Variants in CNOT1 observed in about 807,000 individuals in gnomAD.
CNOT1 encodes CCR4-associated factor 1.
In CNOT1, 15 loss-of-function variants were observed where a neutral mutation model predicts 273.8. The observed-to-expected ratio is 0.05, with a 90% CI of 0.04 to 0.08. CNOT1 has a LOEUF of 0.08. CNOT1 is among the 10% of genes least tolerant of loss of function. The pLI is 1.00. For synonymous variants in CNOT1, 1,022 were observed against 1,005.5 expected (o/e 1.02, Z -0.31); for missense variants, 1,644 against 2,912.2 (o/e 0.56, Z 10.02).
chr16:58,574,020 G>A (rs1479652288), intron 16 of CNOT1, among the ~76,000 whole-genome samples: 4 of 152,014 alleles, frequency 2.6e-5, no homozygotes, highest in Non-Finnish European at 4.4e-5. Flanking sequence ...GGAGGCTGTG[G>A]CAGGAGGATC....
At chr16:58,524,566 T>A (rs2039521349) in intron 46 of CNOT1, among the ~76,000 whole-genome samples, 1 of 152,220 alleles carries the variant, frequency 6.6e-6, no homozygotes, top group East Asian at 1.9e-4. Flanking sequence ...GCAACATCAA[T>A]TCATCTCTCA....
In CNOT1 at chr16:58,537,028, G is replaced by A. The variant is rs762877216; in HGVS notation, c.5607C>T (p.Gly1869=). 40 of 1,614,054 alleles carry A rather than the reference G, an allele frequency of 2.5e-5. No individual in the cohort carries two copies. Among genetic ancestry groups the A allele is most frequent in the Non-Finnish European group, 1.2e-5 (14 of 1,180,034 alleles). The part of the protein sequence containing the change: ...WVNLYHSAAA[G]RDSTKAFSAF... ...CAGAGAAAGCTTTGGTACTGTCGCG[G>A]CCAGCTGCTGCTGAATGGTAGAGAT... The change falls in exon 39 of 49, where the codon GGC becomes GGT. Residue 1869 remains glycine, a synonymous_variant. Coordinates refer to ENST00000317147, the MANE Select transcript of CNOT1 (RefSeq NM_016284.5).
intron 10 of CNOT1, 132 bp downstream of exon 10, chr16:58,582,661 G>A (rs2041697398): frequency 3.3e-5 from 21 of 628,626 alleles, no homozygotes; most frequent in Middle Eastern, 3.8e-4. Flanking sequence ...CGTACTGCCT[G>A]CAGTACACAA....
At chr16:58,575,165 G>T (rs1232954499) in intron 14 of CNOT1, 36 bp from the exon 15 acceptor site, 2 of 1,597,724 alleles carry the variant, frequency 1.3e-6, no homozygotes, top group African/African-American at 2.7e-5. Context: ...TGCAAATGGA[G>T]CAATTAAGTA....
intron 1 of CNOT1, among the ~76,000 whole-genome samples, chr16:58,604,810 A>C (rs1448356429): frequency 8.8e-6 from 1 of 114,002 alleles, no homozygotes; most frequent in Non-Finnish European, 1.7e-5. Context: ...AAAAAAAAAC[A>C]AAAAACAAAA....
intron 10 of CNOT1, among the ~76,000 whole-genome samples, chr16:58,581,898 T>C (rs1373467283): frequency 6.6e-6 from 1 of 152,014 alleles, no homozygotes; most frequent in Non-Finnish European, 1.5e-5. Flanking sequence ...CCTGGCCTCA[T>C]GTGATCCACC....
chr16:58,599,041 ACT>A, intron 2 of CNOT1, 193 bp downstream of exon 2: 1 of 448,230 alleles, frequency 2.2e-6, no homozygotes, highest in Non-Finnish European at 3.7e-6. Context: ...ACAGAGTAAG[ACT>A]CTGTCTCAAA....
At chr16:58,560,859 TACTAAA>T (rs1222843718) in intron 16 of CNOT1, among the ~76,000 whole-genome samples, 1 of 152,132 alleles carries the variant, frequency 6.6e-6, no homozygotes, top group Non-Finnish European at 1.5e-5. Context: ...ACCCCGTCTC[TACTAAA>T]AACACAAAAA....
At chr16:58,531,535 G>A (rs2151903751) in intron 42 of CNOT1, among the ~76,000 whole-genome samples, 1 of 152,212 alleles carries the variant, frequency 6.6e-6, no homozygotes, top group East Asian at 1.9e-4. Flanking sequence ...AAGCTCCAGA[G>A]CCCTGTTACC....
At chr16:58,544,763 G>A (rs2040204081) in intron 30 of CNOT1, among the ~76,000 whole-genome samples, 2 of 152,098 alleles carry the variant, frequency 1.3e-5, no homozygotes, top group East Asian at 3.8e-4. Context: ...CTGTTAAGTA[G>A]AATAAAAGAC....
chr16:58,570,369 G>A (rs1189352011), intron 16 of CNOT1, among the ~76,000 whole-genome samples: 1 of 152,180 alleles, frequency 6.6e-6, no homozygotes, highest in Non-Finnish European at 1.5e-5. Context: ...TGGGTGCAGT[G>A]GCTCATTTCT....
chr16:58,527,396 G>A (rs993658408), intron 44 of CNOT1, among the ~76,000 whole-genome samples: 10 of 151,674 alleles, frequency 6.6e-5, no homozygotes, highest in Admixed American at 3.9e-4. Context: ...GCATGGTGGC[G>A]GGCACCTGTA....
chr16:58,536,265 G>C (rs540984075), intron 39 of CNOT1, among the ~76,000 whole-genome samples: 2 of 152,204 alleles, frequency 1.3e-5, no homozygotes, highest in South Asian at 4.1e-4. Context: ...GGTCAATTCA[G>C]GAAAAGTACC....
At position 58,534,304 on chromosome 16, in the gene CNOT1, G is replaced by C. The variant is rs1192970303; in HGVS notation, c.5738C>G (p.Ala1913Gly). 6.2e-7 allele frequency: 1 copy of C among 1,614,144 alleles called. No individual in the cohort carries two copies. The highest frequency in any genetic ancestry group is 1.1e-5 in the South Asian group (1 of 91,082). The change falls in exon 40 of 49, where the codon GCT becomes GGT. Residue 1913 changes from alanine (A) to glycine (G), a missense_variant. Transcript: ENST00000317147. ...AGGATTGTGCTGCTGCTCAGCCTGA[G>C]CACGGTAACTGATTTCAACACACAT... ...TEMCVEISYR[A>G]QAEQQHNPAA...
intron 12 of CNOT1, among the ~76,000 whole-genome samples, chr16:58,579,179 G>C (rs1173795313): frequency 6.6e-6 from 1 of 152,138 alleles, no homozygotes; most frequent in Admixed American, 6.5e-5. Flanking sequence ...AAACCATGGG[G>C]ATAGAGAATG....
chr16:58,591,118 G>A (rs1372025719), intron 2 of CNOT1, among the ~76,000 whole-genome samples: 2 of 152,138 alleles, frequency 1.3e-5, no homozygotes, highest in African/African-American at 4.8e-5. Flanking sequence ...AACAATCCAG[G>A]GAGAAGGAAA....
intron 31 of CNOT1, among the ~76,000 whole-genome samples, chr16:58,542,867 G>C (rs537802486): frequency 6.6e-6 from 1 of 152,324 alleles, no homozygotes; most frequent in East Asian, 1.9e-4. Context: ...AAGGCAGGTA[G>C]ATCACTTGAG....
In CNOT1 at chr16:58,547,768, T is replaced by C. The variant is rs1054730110; in HGVS notation, c.3523-86A>G. On this transcript the variant is annotated intron_variant, in intron 25 of 48. Transcript: ENST00000317147. The surrounding 1 kb of genome is among the most constrained non-coding windows in gnomAD (Gnocchi z 4.0). ...AGTATTTGAGAATTCCATTATCCTATCCTAAAGACAAGTCATCATTTCTAA... is the reference window on the plus strand; with the variant it reads ...AGTATTTGAGAATTCCATTATCCTACCCTAAAGACAAGTCATCATTTCTAA... 10 of 1,295,138 alleles carry C rather than the reference T, an allele frequency of 7.7e-6. No individual in the cohort carries two copies. The African/African-American group carries it at 1.5e-4, about 19-fold the overall frequency. The allele number at this position is 1,295,138 out of a possible 1,614,324, so 80.2% of individuals were successfully genotyped here.
At chr16:58,557,819 T>C (rs978649534) in intron 18 of CNOT1, among the ~76,000 whole-genome samples, 3 of 151,890 alleles carry the variant, frequency 2.0e-5, no homozygotes, top group Non-Finnish European at 4.4e-5. Context: ...TGAAACCCTG[T>C]CTCTACTAAA....
Sources: allele counts gnomAD v4.1 joint callset (sites outside exome capture counted in the v4.1 genomes callset), GRCh38; gene constraint gnomAD v4.1.1; non-coding constraint Gnocchi (gnomAD v3.1); transcripts MANE v1.5; gene names NCBI Gene and HGNC (gene_info 2026-07-23, HGNC 2026-07-21).